The following USP48 variants were observed in gnomAD, a reference collection of about 807,000 sequenced individuals.
The protein encoded by USP48 is ubiquitin carboxyl-terminal hydrolase 48.
USP48 carries 43 observed loss-of-function variants against 150.7 expected under a neutral mutation model. The ratio of observed to expected loss-of-function variants is 0.29; its 90% CI spans 0.22 to 0.37. The LOEUF is 0.37. Ranked by LOEUF, USP48 falls within the 10% of genes least tolerant of loss-of-function variation. The pLI is 1.00. For synonymous variants in USP48, 396 were observed against 425.9 expected (o/e 0.93, Z 0.86); for missense variants, 813 against 1,249.6 (o/e 0.65, Z 5.27).
chr1:21,757,189 AATT>A (rs2097838635), intron 2 of USP48, among the ~76,000 whole-genome samples: 2 of 152,120 alleles, frequency 1.3e-5, no homozygotes, highest in Non-Finnish European at 2.9e-5. Context: ...CCTTACAAAG[AATT>A]ATTATTTTAT....
chr1:21,718,687 A>T (rs1166345170), intron 14 of USP48, among the ~76,000 whole-genome samples: 3 of 151,788 alleles, frequency 2.0e-5, no homozygotes, highest in African/African-American at 7.3e-5. Context: ...CCTCCTGAGT[A>T]GCTGGGATTA....
In USP48 at chr1:21,682,511, G is replaced by A. The variant is rs540066110; in HGVS notation, c.3059-1677C>T. Among the ~76,000 whole-genome samples the A allele has an allele frequency of 4.9e-4, 73 of 150,428 alleles. 1 individual carries two copies. Among genetic ancestry groups the A allele is most frequent in the African/African-American group, 1.5e-3 (63 of 40,868 alleles). ...CTTATGCTTCCTATGCTATTTCCTC[G>A]ACATATCTTGGTCCCAGGCTCTCAT... On this transcript the variant is annotated intron_variant, in intron 25 of 26. Transcript: ENST00000308271.
chr1:21,690,105 C>G lies in USP48; in HGVS notation c.2884-6G>C, dbSNP rs200302684. On this transcript the variant is annotated splice_region_variant and splice_polypyrimidine_tract_variant and intron_variant, in intron 23 of 26. Transcript: ENST00000308271. ...ACTGAAAATGCATGCATGATCTGTG[C>G]CAATATAAAAGAGAGAAAGTCCGTA... is the stretch of plus-strand genomic sequence containing the variant. 1 of 1,609,958 alleles carries G rather than the reference C, an allele frequency of 6.2e-7. No homozygotes were observed. The highest frequency in any genetic ancestry group is 2.2e-5 in the East Asian group (1 of 44,810).
intron 9 of USP48, among the ~76,000 whole-genome samples, chr1:21,734,169 T>C (rs115614530): frequency 0.016 from 2,454 of 152,232 alleles, 69 homozygotes; most frequent in African/African-American, 0.055. Context: ...GGAGGCCAAG[T>C]GCAAGGATCG....
intron 14 of USP48, among the ~76,000 whole-genome samples, chr1:21,716,458 C>G (rs772836897): frequency 6.6e-6 from 1 of 152,168 alleles, no homozygotes; most frequent in Admixed American, 6.5e-5. Context: ...TCATGCTACT[C>G]AGAACAGTGT....
At chr1:21,740,164 G>T (rs1179217119) in intron 8 of USP48, among the ~76,000 whole-genome samples, 1 of 152,202 alleles carries the variant, frequency 6.6e-6, no homozygotes, top group Non-Finnish European at 1.5e-5. Context: ...ACCCGCCTTG[G>T]CCTCCCAAAG....
At chr1:21,739,065 A>G (rs2097775054) in intron 8 of USP48, among the ~76,000 whole-genome samples, 2 of 152,214 alleles carry the variant, frequency 1.3e-5, no homozygotes, top group Admixed American at 6.5e-5. Flanking sequence ...AGTAAGGACA[A>G]CAGAGTTTCC....
intron 14 of USP48, among the ~76,000 whole-genome samples, chr1:21,718,873 T>C (rs569877555): frequency 6.6e-6 from 1 of 152,284 alleles, no homozygotes; most frequent in African/African-American, 2.4e-5. Flanking sequence ...TCACATGTTA[T>C]CATTAAAATT....
Position 21,781,040 on chromosome 1 carries a change from T to C in USP48, c.134+1784A>G, listed in dbSNP as rs569753882. 6.8e-4 allele frequency among the ~76,000 whole-genome samples: 103 copies of C among 150,608 alleles called. No individual in the cohort carries two copies. In the Middle Eastern group the frequency reaches 0.027, roughly 40 times the overall value. ...CAGGCATGAGCCACCGCACCCGGCC[T>C]ATTCTTTTTTCTTTTAAAATTTTTA... On this transcript the variant is annotated intron_variant, in intron 1 of 26. Transcript: ENST00000308271.
At chr1:21,723,826 C>T (rs1371898551) in intron 12 of USP48, 72 bp downstream of exon 12, 12 of 1,345,054 alleles carry the variant, frequency 8.9e-6, no homozygotes, top group Non-Finnish European at 1.1e-5. Context: ...TCATAAGCCA[C>T]ACTCATAAAG....
chr1:21,756,900 G>A, intron 2 of USP48, 198 bp from the exon 3 acceptor site: 1 of 985,354 alleles, frequency 1.0e-6, no homozygotes, highest in Non-Finnish European at 1.2e-6. Flanking sequence ...CCACAGGAGT[G>A]AAAAAGACTT....
intron 1 of USP48, among the ~76,000 whole-genome samples, chr1:21,759,243 CAG>C (rs1185713835): frequency 8.0e-6 from 1 of 124,662 alleles, no homozygotes; most frequent in African/African-American, 3.0e-5. Context: ...AAATTCAAAA[CAG>C]AGAAAACATA....
In USP48 at chr1:21,721,019, T is replaced by C. The variant is rs770875989; in HGVS notation, c.1894+17A>G. 3.2e-5 allele frequency: 51 copies of C among 1,613,640 alleles called. No individual in the cohort carries two copies. Among genetic ancestry groups the C allele is most frequent in the Non-Finnish European group, 4.1e-5 (48 of 1,179,760 alleles). ...GTATAGTTTCACAATGATCTACACATAGGTTTAAAGTGTTACCTTTATTTA... is the reference window on the plus strand; with the variant it reads ...GTATAGTTTCACAATGATCTACACACAGGTTTAAAGTGTTACCTTTATTTA... On this transcript the variant is annotated intron_variant, in intron 14 of 26. Transcript: ENST00000308271.
intron 24 of USP48, among the ~76,000 whole-genome samples, chr1:21,689,608 C>T (rs182352508): frequency 6.6e-6 from 1 of 152,184 alleles, no homozygotes; most frequent in Non-Finnish European, 1.5e-5. Flanking sequence ...CCCTGCCCTA[C>T]CAGGGAACAG....
chr1:21,706,018 G>A, intron 18 of USP48, 108 bp downstream of exon 18: 1 of 1,277,648 alleles, frequency 7.8e-7, no homozygotes, highest in South Asian at 1.4e-5. Flanking sequence ...GCTGGTGAAA[G>A]TAACCATGAA....
rs190366383 is a variant in USP48 at position 21,744,266 on chromosome 1, C to T, written c.991+2801G>A. Among the ~76,000 whole-genome samples the T allele has an allele frequency of 5.6e-3, 846 of 151,316 alleles. 5 individuals carry two copies. The highest frequency in any genetic ancestry group is 9.5e-3 in the Non-Finnish European group (644 of 67,848). On this transcript the variant is annotated intron_variant, in intron 8 of 26. Coordinates refer to ENST00000308271, the MANE Select transcript of USP48 (RefSeq NM_032236.8). Reference sequence around the variant, plus strand: ...CTCGAGACCAGCCTGGCCAATATGGCGAAATCCCATCTCTACTAAAGATAC... The same window carrying T: ...CTCGAGACCAGCCTGGCCAATATGGTGAAATCCCATCTCTACTAAAGATAC...
chr1:21,771,354 A>G lies in USP48; in HGVS notation c.134+11470T>C, dbSNP rs976781680. Among the ~76,000 whole-genome samples, 93 of 151,110 alleles carry G rather than the reference A, an allele frequency of 6.2e-4. 4 individuals carry two copies. Among genetic ancestry groups the G allele is most frequent in the Admixed American group, 2.7e-4 (4 of 15,084 alleles). On this transcript the variant is annotated intron_variant, in intron 1 of 26. Coordinates refer to ENST00000308271, the MANE Select transcript of USP48 (RefSeq NM_032236.8). Reference sequence around the variant, plus strand: ...GTGCCACTGCAATCTAGCCTGGGCGACAGAGCAAGACTCCATCTCAAAAAA... The same window carrying G: ...GTGCCACTGCAATCTAGCCTGGGCGGCAGAGCAAGACTCCATCTCAAAAAA...
chr1:21,736,875 C>T (rs1241915434), intron 8 of USP48, among the ~76,000 whole-genome samples: 1 of 152,168 alleles, frequency 6.6e-6, no homozygotes, highest in Non-Finnish European at 1.5e-5. Flanking sequence ...TGAAAAACTA[C>T]GGCCTCCTGG....
Position 21,782,985 on chromosome 1 carries a change from G to A in USP48, c.-28C>T. On this transcript the variant is annotated 5_prime_UTR_variant, in exon 1 of 27. Transcript: ENST00000308271. ...CCTTGGCCCCAGGAACGCCTCCCGAGCCAGACCGCCGCAGCCGCCGCCGCG... is the reference window on the plus strand; with the variant it reads ...CCTTGGCCCCAGGAACGCCTCCCGAACCAGACCGCCGCAGCCGCCGCCGCG... 6.7e-7 allele frequency: 1 copy of A among 1,501,932 alleles called. No homozygotes were observed. Among genetic ancestry groups the A allele is most frequent in the Non-Finnish European group, 8.8e-7 (1 of 1,132,514 alleles). 93.0% of individuals were successfully genotyped at this position (1,501,932 alleles called of 1,614,324 possible).
Sources: allele counts gnomAD v4.1 joint callset (sites outside exome capture counted in the v4.1 genomes callset), GRCh38; gene constraint gnomAD v4.1.1; transcripts MANE v1.5; gene names NCBI Gene and HGNC (gene_info 2026-07-23, HGNC 2026-07-21).